Variants in MARCHF1 observed in about 807,000 individuals in gnomAD.
MARCHF1 encodes E3 ubiquitin-protein ligase MARCHF1.
Under a neutral mutation model 54.2 loss-of-function variants are expected in MARCHF1, and 40 were observed. The ratio of observed to expected loss-of-function variants is 0.74; its 90% confidence interval spans 0.57 to 0.96. The LOEUF (loss-of-function observed/expected upper bound fraction) is 0.96, where lower values mean the gene tolerates loss of function less well. MARCHF1 is among the 40% of genes least tolerant of loss of function. The pLI is 0.00. For synonymous variants in MARCHF1, 236 were observed against 236.3 expected (o/e 1.00, Z 0.01); for missense variants, 586 against 656.5 (o/e 0.89, Z 1.17).
chr4:164,335,097 T>C (rs1729695546), intron 1 of MARCHF1, among the ~76,000 whole-genome samples: 1 of 152,220 alleles, frequency 6.6e-6, no homozygotes, highest in African/African-American at 2.4e-5. Flanking sequence ...GCTGTGAACA[T>C]TGTTGAAATG....
chr4:164,141,930 G>A (rs1756547671), intron 1 of MARCHF1, among the ~76,000 whole-genome samples: 1 of 122,568 alleles, frequency 8.2e-6, no homozygotes, highest in Non-Finnish European at 1.6e-5. Context: ...TCACTAGGGA[G>A]TGCCAGACAG....
Position 164,076,932 on chromosome 4 carries a change from T to G in MARCHF1, c.-248+34656A>C, listed in dbSNP as rs1235946400. Among the ~76,000 whole-genome samples the G allele has an allele frequency of 2.0e-5, 3 of 152,190 alleles. No homozygotes were observed. In the East Asian group the frequency reaches 5.8e-4, roughly 29 times the overall value. Reference sequence around the variant, plus strand: ...CATGCTCATGGATAGGAAGAATCAGTATCGTGAAAATGGCCATACAGCCCA... The same window carrying G: ...CATGCTCATGGATAGGAAGAATCAGGATCGTGAAAATGGCCATACAGCCCA... On this transcript the variant is annotated intron_variant, in intron 2 of 9. Transcript: ENST00000514618.
intron 8 of MARCHF1, among the ~76,000 whole-genome samples, chr4:163,563,382 C>T (rs1300018046): frequency 2.6e-5 from 4 of 152,204 alleles, no homozygotes; most frequent in Admixed American, 1.3e-4. Context: ...GGTTTATCCT[C>T]TGCGGGTTTA....
At chr4:163,683,236 C>A (rs929686232) in intron 5 of MARCHF1, among the ~76,000 whole-genome samples, 3 of 152,154 alleles carry the variant, frequency 2.0e-5, no homozygotes, top group Non-Finnish European at 2.9e-5. Flanking sequence ...GGAGGCCTCA[C>A]AATCATGGCG....
chr4:163,982,127 A>G (rs565300167), intron 3 of MARCHF1, among the ~76,000 whole-genome samples: 6 of 152,374 alleles, frequency 3.9e-5, no homozygotes, highest in Admixed American at 1.3e-4. Context: ...AATAATATGG[A>G]AATTTCCTGA....
At chr4:164,100,952 A>G (rs1755537567) in intron 2 of MARCHF1, among the ~76,000 whole-genome samples, 1 of 152,232 alleles carries the variant, frequency 6.6e-6, no homozygotes. Flanking sequence ...TCACTTGGGA[A>G]GCGCAAGAGG....
At chr4:164,379,703 T>C (rs1195371997) in intron 1 of MARCHF1, among the ~76,000 whole-genome samples, 2 of 152,158 alleles carry the variant, frequency 1.3e-5, no homozygotes, top group Non-Finnish European at 1.5e-5. Flanking sequence ...TAACAAATGT[T>C]GGCCGGGCAC....
intron 5 of MARCHF1, among the ~76,000 whole-genome samples, chr4:163,673,408 T>C (rs1470270634): frequency 6.6e-6 from 1 of 152,214 alleles, no homozygotes; most frequent in Non-Finnish European, 1.5e-5. Flanking sequence ...AACACTAGGC[T>C]TTTATTTTGT....
chr4:163,679,561 C>T (rs1028522842), intron 5 of MARCHF1, among the ~76,000 whole-genome samples: 5 of 151,954 alleles, frequency 3.3e-5, no homozygotes, highest in Non-Finnish European at 5.9e-5. Context: ...AGCCTGGCAA[C>T]GATAAAAGGT....
intron 1 of MARCHF1, among the ~76,000 whole-genome samples, chr4:164,217,965 T>C (rs1731980289): frequency 6.6e-6 from 1 of 152,086 alleles, no homozygotes; most frequent in African/African-American, 2.4e-5. Context: ...ACTTCTGCTA[T>C]TTTGTGAAAG....
At chr4:163,908,537 A>G (rs1344541019) in intron 3 of MARCHF1, among the ~76,000 whole-genome samples, 1 of 152,168 alleles carries the variant, frequency 6.6e-6, no homozygotes, top group African/African-American at 2.4e-5. Flanking sequence ...GTCTATGTAG[A>G]TATATCCTGT....
chr4:163,673,184 A>G (rs1399405118), intron 5 of MARCHF1, among the ~76,000 whole-genome samples: 2 of 152,202 alleles, frequency 1.3e-5, no homozygotes, highest in African/African-American at 4.8e-5. Flanking sequence ...CATGTACTCC[A>G]TTATTTCTAG....
intron 4 of MARCHF1, among the ~76,000 whole-genome samples, chr4:163,804,182 C>T (rs1301303159): frequency 6.6e-6 from 1 of 152,186 alleles, no homozygotes; most frequent in Admixed American, 6.5e-5. Flanking sequence ...CATATTCCCA[C>T]AAGCCTCTCA....
intron 4 of MARCHF1, among the ~76,000 whole-genome samples, chr4:163,846,980 T>G (rs928098160): frequency 1.3e-5 from 2 of 152,104 alleles, no homozygotes; most frequent in African/African-American, 4.8e-5. Flanking sequence ...GCAGTGTTTA[T>G]GAAATAACAA....
chr4:163,646,515 C>G (rs979006069), intron 5 of MARCHF1, among the ~76,000 whole-genome samples: 12 of 151,982 alleles, frequency 7.9e-5, no homozygotes, highest in Non-Finnish European at 1.2e-4. Flanking sequence ...GTATAAATTA[C>G]TTATATCTCT....
intron 3 of MARCHF1, among the ~76,000 whole-genome samples, chr4:163,928,533 T>C (rs1040917619): frequency 2.6e-5 from 4 of 151,940 alleles, no homozygotes; most frequent in African/African-American, 9.7e-5. Flanking sequence ...AAAGACAGAA[T>C]GTAATTGACT....
At chr4:163,688,020 C>A (rs1290747893) in intron 5 of MARCHF1, among the ~76,000 whole-genome samples, 1 of 152,028 alleles carries the variant, frequency 6.6e-6, no homozygotes. Context: ...TTTATTTGGC[C>A]TAGTCAATCC....
In MARCHF1 at chr4:164,023,166, G is replaced by T. The variant is rs910356163; in HGVS notation, c.-247-34457C>A. On this transcript the variant is annotated intron_variant, in intron 2 of 9. Transcript: ENST00000514618. ...ATGGGAGCAGGGCATCCCTCCCAATGCAGGGCCAGTAATGAAAAGGTATGT... is the reference window on the plus strand; with the variant it reads ...ATGGGAGCAGGGCATCCCTCCCAATTCAGGGCCAGTAATGAAAAGGTATGT... Among the ~76,000 whole-genome samples, 6 of 152,328 alleles carry T rather than the reference G, an allele frequency of 3.9e-5. No individual in the cohort carries two copies. In the East Asian group the frequency reaches 1.2e-3, roughly 29 times the overall value.
rs1394677398 is a variant in MARCHF1 at position 163,585,668 on chromosome 4, TATTGGCAA to T, written c.1191+73_1191+80del. Reference sequence around the variant, plus strand: ...GGATATTAGCATATTAGGAGAATCGTATTGGCAAAGGAAATAGATTTCTAAAACAAGTC... The same window carrying T: ...GGATATTAGCATATTAGGAGAATCGTAGGAAATAGATTTCTAAAACAAGTC... On this transcript the variant is annotated intron_variant, in intron 8 of 9. Coordinates refer to ENST00000514618, the MANE Select transcript of MARCHF1 (RefSeq NM_001394959.1). The T allele has an allele frequency of 9.6e-6, 11 of 1,151,088 alleles. No homozygotes were observed. In the African/African-American group the frequency reaches 1.4e-4, roughly 15 times the overall value. The allele number at this position is 1,151,088 out of a possible 1,614,324, so 71.3% of individuals were successfully genotyped here.
Sources: gnomAD v4.1 joint callset for allele counts (sites outside exome capture counted in the v4.1 genomes callset) on GRCh38, gnomAD v4.1.1 for gene constraint, MANE v1.5 for transcripts, NCBI Gene and HGNC (gene_info 2026-07-23, HGNC 2026-07-21) for gene names.